Variants in GOSR2 observed in about 807,000 individuals in gnomAD.
GOSR2 encodes the protein golgi SNAP receptor complex member 2.
In GOSR2, 20 loss-of-function variants were observed where a neutral mutation model predicts 27.9. The observed-to-expected ratio is 0.72, with a 90% CI of 0.50 to 1.04. GOSR2 has a LOEUF of 1.04. GOSR2 is among the 50% of genes least tolerant of loss of function. GOSR2 has a pLI of 0.00. For synonymous variants in GOSR2, 91 were observed against 98.8 expected (o/e 0.92, Z 0.47); for missense variants, 261 against 270.5 (o/e 0.97, Z 0.25).
chr17:46,923,386 A>T, intron 1 of GOSR2, 165 bp downstream of exon 1: 1 of 1,465,142 alleles, frequency 6.8e-7, no homozygotes, highest in Non-Finnish European at 9.0e-7. Context: ...CGGGACTCCC[A>T]GGTCAGCCAC....
chr17:46,947,214 A>G (rs887329997), intron 6 of GOSR2, among the ~76,000 whole-genome samples: 4 of 152,158 alleles, frequency 2.6e-5, no homozygotes, highest in African/African-American at 4.8e-5. Flanking sequence ...CATGTCCTAG[A>G]TTCTGTGGCC....
At chr17:46,933,687 G>A in intron 4 of GOSR2, 1 of 147,166 alleles carries the variant, frequency 6.8e-6, no homozygotes, top group Non-Finnish European at 1.5e-5. Flanking sequence ...AACAGCACTA[G>A]TGGAGCAGGG....
chr17:46,960,658 C>T (rs977987035), intron 6 of GOSR2, among the ~76,000 whole-genome samples: 1 of 152,200 alleles, frequency 6.6e-6, no homozygotes, highest in African/African-American at 2.4e-5. Context: ...ATACATCCAT[C>T]CAATGGAATA....
chr17:46,970,055 A>C (rs1158519664), downstream of GOSR2, among the ~76,000 whole-genome samples: 1 of 152,186 alleles, frequency 6.6e-6, no homozygotes, highest in African/African-American at 2.4e-5. Flanking sequence ...CTCATCTGTA[A>C]AATGACGATC....
rs187357953 is a variant in GOSR2 at position 46,923,956 on chromosome 17, A to G, written c.29+735A>G. 6.1e-4 allele frequency: 242 copies of G among 398,262 alleles called. 2 individuals are homozygous for G. The highest frequency in any genetic ancestry group is 4.8e-3 in the African/African-American group (232 of 48,724). 24.7% of individuals were successfully genotyped at this position (398,262 alleles called of 1,614,324 possible). A position where few individuals can be genotyped will look rare whatever the true frequency, so the allele number is the denominator to read the frequency against. On this transcript the variant is annotated intron_variant, in intron 1 of 5. Transcript: ENST00000640051. ...CCCTGTTTTGGAGGGACGGAATTTT[A>G]TGATTTTTATTTTTTATTGTAAAAT...
chr17:46,933,452 C>T (rs556049893), intron 4 of GOSR2: 1 of 152,314 alleles, frequency 6.6e-6, no homozygotes, highest in African/African-American at 2.4e-5. Context: ...TCTTCTGACA[C>T]ACTGGGCATT....
At chr17:46,937,748 A>G (rs1243715268) in intron 5 of GOSR2, 1 of 152,206 alleles carries the variant, frequency 6.6e-6, no homozygotes, top group African/African-American at 2.4e-5. Flanking sequence ...ATTGTTACCT[A>G]TTTAATTCCA....
chr17:46,923,287 G>C, intron 1 of GOSR2, 66 bp downstream of exon 1: 1 of 1,549,424 alleles, frequency 6.5e-7, no homozygotes, highest in Non-Finnish European at 8.7e-7. Context: ...TGGCTTCTGG[G>C]GCTGAGGCCT....
chr17:46,931,161 A>G lies in GOSR2; in HGVS notation c.157A>G (p.Ile53Val), dbSNP rs1215751511. Residue 53 changes from isoleucine (I) to valine (V), a missense_variant, in exon 3 of 6, where the codon ATT (isoleucine) becomes GTT (valine). Coordinates refer to ENST00000640051, the MANE Select transcript of GOSR2 (RefSeq NM_004287.5). ...ATTCAGCCGTCTAGAACGTCTGGAG[A>G]TTTTGTCCAGCAAGGAGCCCCCTAA... Reference protein sequence around the residue: ...QIFSRLERLEILSSKEPPNKR... With the variant: ...QIFSRLERLEVLSSKEPPNKR... 2.5e-5 allele frequency: 40 copies of G among 1,611,502 alleles called. No individual in the cohort carries two copies. Among genetic ancestry groups the G allele is most frequent in the Non-Finnish European group, 3.3e-5 (39 of 1,177,654 alleles).
chr17:46,957,758 G>A (rs1253036333), intron 6 of GOSR2, among the ~76,000 whole-genome samples: 1 of 152,238 alleles, frequency 6.6e-6, no homozygotes, highest in East Asian at 1.9e-4. Flanking sequence ...GTTTGAACCT[G>A]TATTTGGTAG....
chr17:46,932,645 A>T (rs2087577675), intron 4 of GOSR2: 1 of 281,398 alleles, frequency 3.6e-6, no homozygotes, highest in Admixed American at 4.8e-5. Flanking sequence ...TTTTGCCCCT[A>T]GTCTGAGCAG....
At chr17:46,951,244 C>T (rs912930561) in intron 6 of GOSR2, among the ~76,000 whole-genome samples, 2 of 152,200 alleles carry the variant, frequency 1.3e-5, no homozygotes, top group African/African-American at 4.8e-5. Flanking sequence ...CGGCGGGTTC[C>T]AGAGGTGCCC....
At position 46,932,209 on chromosome 17, in the gene GOSR2, GC is replaced by G; in HGVS notation, c.336+13del. On this transcript the variant is annotated intron_variant, in intron 4 of 5. Transcript: ENST00000640051. ...AACCTTCACCACTAACGTAAGCCAG[GC>G]CCGTGGTGAGGGTCGGCCTGCACTT... is the stretch of plus-strand genomic sequence containing the variant. 6.2e-7 allele frequency: 1 copy of G among 1,613,946 alleles called. No individual in the cohort carries two copies. Among genetic ancestry groups the G allele is most frequent in the Non-Finnish European group, 8.5e-7 (1 of 1,180,022 alleles).
In GOSR2 at chr17:46,932,244, G is replaced by A. The variant is rs16941300; in HGVS notation, c.336+45G>A. The A allele has an allele frequency of 2.1e-3, 3,443 of 1,611,134 alleles. 71 individuals carry two copies. The African/African-American group carries it at 0.042, about 20-fold the overall frequency. The stretch of plus-strand genomic sequence containing the variant: ...AGGGTCGGCCTGCACTTGACAGATC[G>A]TGGGGGCTGGAGTTCAGATCTCTGA... On this transcript the variant is annotated intron_variant, in intron 4 of 5. Coordinates refer to ENST00000640051, the MANE Select transcript of GOSR2 (RefSeq NM_004287.5).
At chr17:46,968,554 G>C, downstream of GOSR2, among the ~76,000 whole-genome samples, 1 of 152,254 alleles carries the variant, frequency 6.6e-6, no homozygotes, top group South Asian at 2.1e-4. Flanking sequence ...ATCACCATCA[G>C]ATCCTCTCGA....
intron 4 of GOSR2, chr17:46,932,565 A>T: frequency 4.1e-6 from 2 of 489,446 alleles, no homozygotes; most frequent in Non-Finnish European, 7.2e-6. Context: ...CAGCATTTCA[A>T]AGCTGCCTGC....
downstream of GOSR2, among the ~76,000 whole-genome samples, chr17:46,968,085 T>C (rs4083002): frequency 0.94 from 143,003 of 152,094 alleles, 67,864 homozygotes; most frequent in East Asian, 1. Context: ...TTGGGGCATA[T>C]GGCATGGCCC....
chr17:46,930,249 C>T (rs2087135268), intron 2 of GOSR2: 1 of 152,364 alleles, frequency 6.6e-6, no homozygotes, highest in African/African-American at 2.4e-5. Flanking sequence ...TCTCAACTGT[C>T]TTTGTTCACT....
intron 6 of GOSR2, among the ~76,000 whole-genome samples, chr17:46,959,799 TC>T (rs2090950837): frequency 6.6e-6 from 1 of 152,186 alleles, no homozygotes; most frequent in Non-Finnish European, 1.5e-5. Context: ...CCATGGAAAG[TC>T]CTCCAATCCT....
Sources: allele counts gnomAD v4.1 joint callset (sites outside exome capture counted in the v4.1 genomes callset), GRCh38; gene constraint gnomAD v4.1.1; transcripts MANE v1.5; gene names NCBI Gene and HGNC (gene_info 2026-07-23, HGNC 2026-07-21).